NLN: variants seen among roughly 807,000 people sequenced by gnomAD.
The protein encoded by NLN is neurolysin.
In NLN, 64 loss-of-function variants were observed where a neutral mutation model predicts 79.9. The ratio of observed to expected loss-of-function variants is 0.80; its 90% CI spans 0.65 to 0.99. NLN has a LOEUF of 0.99. Ranked by LOEUF, NLN falls within the 50% of genes least tolerant of loss-of-function variation. NLN has a pLI of 0.00. For missense variants in NLN, 835 were observed against 858.7 expected (o/e 0.97, Z 0.34); for synonymous variants, 267 against 296.6 (o/e 0.90, Z 1.02).
intron 3 of NLN, among the ~76,000 whole-genome samples, chr5:65,768,385 CA>C (rs1471717186): frequency 6.6e-6 from 1 of 152,148 alleles, no homozygotes; most frequent in Non-Finnish European, 1.5e-5. Context: ...ACTTATAAAA[CA>C]ACCAGATCTT....
chr5:65,746,255 A>G (rs1040823247), intron 1 of NLN, among the ~76,000 whole-genome samples: 1 of 152,236 alleles, frequency 6.6e-6, no homozygotes, highest in African/African-American at 2.4e-5. Flanking sequence ...CTGATGATAA[A>G]AATCATGAGG....
At chr5:65,792,406 CTAGA>C in intron 8 of NLN, 44 bp from the exon 9 acceptor site, 1 of 1,242,626 alleles carries the variant, frequency 8.0e-7, no homozygotes, top group Middle Eastern at 1.9e-4. Flanking sequence ...AGTGTAGTTG[CTAGA>C]GGAGAATTTT....
At chr5:65,764,672 G>T (rs892912946) in intron 3 of NLN, among the ~76,000 whole-genome samples, 1 of 152,182 alleles carries the variant, frequency 6.6e-6, no homozygotes, top group African/African-American at 2.4e-5. Context: ...CTTTATTTGA[G>T]CTGGTTCATT....
intron 3 of NLN, among the ~76,000 whole-genome samples, chr5:65,775,012 T>G (rs1759649853): frequency 6.6e-6 from 1 of 152,092 alleles, no homozygotes; most frequent in African/African-American, 2.4e-5. Context: ...CATGAGCCAC[T>G]ACTCCCAGCC....
chr5:65,813,493 C>T (rs542258740), intron 12 of NLN, among the ~76,000 whole-genome samples: 2 of 152,262 alleles, frequency 1.3e-5, no homozygotes, highest in East Asian at 3.9e-4. Flanking sequence ...ACATGCCCAA[C>T]TGCAAAGTCA....
intron 12 of NLN, among the ~76,000 whole-genome samples, chr5:65,816,719 A>G (rs1187218059): frequency 6.6e-6 from 1 of 152,148 alleles, no homozygotes; most frequent in African/African-American, 2.4e-5. Context: ...CTTCAGATAC[A>G]TAGACAGGAT....
At chr5:65,821,579 A>C (rs1359488824) in intron 12 of NLN, among the ~76,000 whole-genome samples, 1 of 152,206 alleles carries the variant, frequency 6.6e-6, no homozygotes, top group Admixed American at 6.5e-5. Context: ...AAATGTGGTT[A>C]GTAGAAAGTT....
At chr5:65,761,840 C>T (rs531867835) in intron 2 of NLN, among the ~76,000 whole-genome samples, 6 of 152,172 alleles carry the variant, frequency 3.9e-5, no homozygotes, top group East Asian at 1.9e-4. Context: ...AGGACTGATA[C>T]GAGTGTTTAA....
At chr5:65,782,750 T>C (rs1190648685) in intron 6 of NLN, among the ~76,000 whole-genome samples, 1 of 152,116 alleles carries the variant, frequency 6.6e-6, no homozygotes. Context: ...ACTGGCCAAT[T>C]CTCACCCAAG....
intron 9 of NLN, among the ~76,000 whole-genome samples, chr5:65,802,337 GGCAAGGCTGCCT>G (rs973094177): frequency 6.6e-6 from 1 of 152,244 alleles, no homozygotes; most frequent in African/African-American, 2.4e-5. Flanking sequence ...AGGCGCTGGA[GGCAAGGCTGCCT>G]GCAAGGCTGC....
At chr5:65,767,665 T>C (rs918743368) in intron 3 of NLN, among the ~76,000 whole-genome samples, 1 of 152,240 alleles carries the variant, frequency 6.6e-6, no homozygotes, top group African/African-American at 2.4e-5. Flanking sequence ...GTTTTTCTTT[T>C]CTACCCCATG....
rs557019318 is a variant in NLN at position 65,826,701 on chromosome 5, T to A, written c.*3786T>A. On this transcript the variant is annotated 3_prime_UTR_variant, in exon 13 of 13. Coordinates refer to ENST00000380985, the MANE Select transcript of NLN (RefSeq NM_020726.5). ...AGGAGGATCCTTTGTGCTCAAGAGT[T>A]TGAGACCAGCCTGAGCAACACAGTG... 6.6e-6 allele frequency: 1 copy of A among 152,298 alleles called. No homozygotes were observed. Among genetic ancestry groups the A allele is most frequent in the East Asian group, 1.9e-4 (1 of 5,170 alleles). The allele number at this position is 152,298 out of a possible 1,614,324, so 9.4% of individuals were successfully genotyped here.
chr5:65,799,109 T>C (rs1467678097), intron 9 of NLN, among the ~76,000 whole-genome samples: 1 of 152,186 alleles, frequency 6.6e-6, no homozygotes, highest in Non-Finnish European at 1.5e-5. Context: ...CTTGAATTCC[T>C]GGGCTCAAGC....
At chr5:65,768,272 C>T (rs1478638375) in intron 3 of NLN, among the ~76,000 whole-genome samples, 2 of 152,080 alleles carry the variant, frequency 1.3e-5, no homozygotes, top group Admixed American at 1.3e-4. Context: ...CTCACAATTC[C>T]TCTGGGTGGG....
At chr5:65,755,268 A>G (rs1044283319) in intron 1 of NLN, among the ~76,000 whole-genome samples, 11 of 152,218 alleles carry the variant, frequency 7.2e-5, no homozygotes, top group Non-Finnish European at 5.9e-5. Context: ...TTTAAAACAT[A>G]TTTATACCCA....
intron 6 of NLN, among the ~76,000 whole-genome samples, chr5:65,783,359 C>T (rs1759847393): frequency 6.6e-6 from 1 of 152,084 alleles, no homozygotes; most frequent in South Asian, 2.1e-4. Context: ...AGGTGGAAGA[C>T]AGCTCTACCA....
At chr5:65,795,949 T>A (rs1218497417) in intron 9 of NLN, among the ~76,000 whole-genome samples, 1 of 152,204 alleles carries the variant, frequency 6.6e-6, no homozygotes, top group Non-Finnish European at 1.5e-5. Flanking sequence ...TTTAAAATAG[T>A]GGATGCTCAC....
At chr5:65,782,147 T>C (rs1259430718) in intron 6 of NLN, among the ~76,000 whole-genome samples, 1 of 152,232 alleles carries the variant, frequency 6.6e-6, no homozygotes, top group Non-Finnish European at 1.5e-5. Context: ...CTTGGTTAGC[T>C]TGTTGGACTA....
chr5:65,810,429 A>G (rs1372080714), intron 11 of NLN, among the ~76,000 whole-genome samples: 1 of 152,230 alleles, frequency 6.6e-6, no homozygotes, highest in East Asian at 1.9e-4. Context: ...TGGGAGAGCC[A>G]TTCGTGTTGG....
Sources: gnomAD v4.1 joint callset for allele counts (sites outside exome capture counted in the v4.1 genomes callset) on GRCh38, gnomAD v4.1.1 for gene constraint, MANE v1.5 for transcripts, NCBI Gene and HGNC (gene_info 2026-07-23, HGNC 2026-07-21) for gene names.